Variants in FAAH2 observed in about 807,000 individuals in gnomAD.
FAAH2 encodes the protein fatty acid amide hydrolase 2.
Under a neutral mutation model 36.9 loss-of-function variants are expected in FAAH2, and 60 were observed. That is an observed-to-expected ratio of 1.63 (90% CI 1.32 to 2.02). FAAH2 has a LOEUF of 2.02. Among genes scored for constraint, FAAH2 ranks in the 30% most tolerant of loss-of-function variants. The pLI, the probability that FAAH2 is intolerant of heterozygous loss-of-function variation, is 0.00. For missense variants in FAAH2, 689 were observed against 397.5 expected, an observed-to-expected ratio of 1.73 and a Z score of -6.23; for synonymous variants, 214 against 143.8, an observed-to-expected ratio of 1.49 and a Z score of -3.49.
intron 10 of FAAH2, among the ~76,000 whole-genome samples, chrX:57,478,016 G>A (rs942023618): frequency 6.3e-5 from 7 of 111,917 alleles, no homozygotes; most frequent in African/African-American, 2.3e-4. Flanking sequence ...TAATGGGATG[G>A]CTGAGTCAAA....
the FAAH2 span, among the ~76,000 whole-genome samples, chrX:57,279,370 C>T: frequency 8.9e-6 from 1 of 112,183 alleles, no homozygotes; most frequent in Admixed American, 9.4e-5. Flanking sequence ...CCAAACACTG[C>T]GTGTTCTCAC....
At chrX:57,360,666 T>A (rs949079285) in intron 5 of FAAH2, among the ~76,000 whole-genome samples, 12 of 111,481 alleles carry the variant, frequency 1.1e-4, no homozygotes, top group Non-Finnish European at 2.3e-4. Flanking sequence ...GTTTTTAAAT[T>A]TTCTTAATTT....
intron 3 of FAAH2, among the ~76,000 whole-genome samples, chrX:57,325,073 C>A (rs2053169821): frequency 8.9e-6 from 1 of 111,954 alleles, no homozygotes; most frequent in South Asian, 3.7e-4. Context: ...TGTCAAAGGC[C>A]TTTTCTGCAT....
chrX:57,335,468 G>A (rs762316269), intron 4 of FAAH2, among the ~76,000 whole-genome samples: 2 of 112,735 alleles, frequency 1.8e-5, no homozygotes, highest in Non-Finnish European at 3.8e-5. Flanking sequence ...CTGTGCTTTT[G>A]ATGTGCATAT....
At position 57,486,680 on chromosome X, in the gene FAAH2, G is replaced by C. The variant is rs533048816; in HGVS notation, c.1424-2077G>C. Among the ~76,000 whole-genome samples the C allele has an allele frequency of 3.5e-4, 39 of 111,707 alleles. No individual in the cohort carries two copies. The South Asian group carries it at 7.6e-3, about 22-fold the overall frequency. On this transcript the variant is annotated intron_variant, in intron 10 of 10. Coordinates refer to ENST00000374900, the MANE Select transcript of FAAH2 (RefSeq NM_174912.4). ...AGCTTCCTGTAAAGCACCCCACAAT[G>C]ATGAGGAAGCTGGATATATGTTTAC...
chrX:57,368,227 C>T (rs1027552762), intron 5 of FAAH2, among the ~76,000 whole-genome samples: 6 of 107,544 alleles, frequency 5.6e-5, no homozygotes, highest in African/African-American at 2.0e-4. Flanking sequence ...ACACTGAACC[C>T]ACCCCCACCC....
chrX:57,366,368 G>A (rs2054414759), intron 5 of FAAH2, among the ~76,000 whole-genome samples: 6 of 112,085 alleles, frequency 5.4e-5, no homozygotes, highest in Admixed American at 2.8e-4. Context: ...CTGGGACCTG[G>A]CCCACAGCTT....
At chrX:57,167,454 A>G in the FAAH2 span, among the ~76,000 whole-genome samples, 1 of 112,039 alleles carries the variant, frequency 8.9e-6, no homozygotes, top group Non-Finnish European at 1.9e-5. Context: ...AGCTCTAATG[A>G]TACCTGGCAT....
intron 7 of FAAH2, among the ~76,000 whole-genome samples, chrX:57,406,633 C>T (rs1453236120): frequency 8.9e-6 from 1 of 112,561 alleles, no homozygotes; most frequent in Non-Finnish European, 1.9e-5. Context: ...TATCTCTAGT[C>T]CACAATGTGA....
At chrX:57,344,055 C>CT (rs775563995) in intron 5 of FAAH2, among the ~76,000 whole-genome samples, 2 of 108,958 alleles carry the variant, frequency 1.8e-5, no homozygotes, top group Admixed American at 2.0e-4. Flanking sequence ...ATTTATTTGC[C>CT]TTTTGTTTCC....
At chrX:57,183,348 C>A in the FAAH2 span, among the ~76,000 whole-genome samples, 13 of 104,892 alleles carry the variant, frequency 1.2e-4, no homozygotes, top group South Asian at 4.7e-3. Flanking sequence ...GTAATTAATA[C>A]ATTGAAAATA....
At chrX:57,393,836 T>C in intron 7 of FAAH2, 1 of 880,859 alleles carries the variant, frequency 1.1e-6, no homozygotes, top group Non-Finnish European at 1.7e-6. Flanking sequence ...GAATCTATCA[T>C]TGGTATTCAA....
At chrX:57,358,372 C>A (rs1174583099) in intron 5 of FAAH2, among the ~76,000 whole-genome samples, 1 of 110,603 alleles carries the variant, frequency 9.0e-6, no homozygotes, top group Non-Finnish European at 1.9e-5. Context: ...TTCTCCATCT[C>A]CTGACAATCA....
intron 5 of FAAH2, among the ~76,000 whole-genome samples, chrX:57,361,479 T>C (rs781149466): frequency 9.0e-6 from 1 of 111,429 alleles, no homozygotes; most frequent in East Asian, 2.8e-4. Flanking sequence ...TTTGATATTT[T>C]GTATTTCCAT....
the FAAH2 span, among the ~76,000 whole-genome samples, chrX:57,139,370 G>A: frequency 2.7e-5 from 3 of 112,043 alleles, no homozygotes; most frequent in Non-Finnish European, 3.8e-5. Flanking sequence ...GACTATAAAT[G>A]CATAGATTTA....
chrX:57,379,633 AT>A (rs1319409417), intron 6 of FAAH2, among the ~76,000 whole-genome samples: 9 of 109,338 alleles, frequency 8.2e-5, no homozygotes, highest in African/African-American at 2.3e-4. Flanking sequence ...AAGAGACAAC[AT>A]TTTTTTAGCC....
the FAAH2 span, among the ~76,000 whole-genome samples, chrX:57,241,561 C>T: frequency 1.8e-5 from 2 of 111,438 alleles, no homozygotes; most frequent in South Asian, 3.8e-4. Context: ...TTTTGTATTT[C>T]AATAGTTTTG....
At chrX:57,423,871 A>T (rs1482492871) in intron 7 of FAAH2, among the ~76,000 whole-genome samples, 3 of 111,576 alleles carry the variant, frequency 2.7e-5, no homozygotes, top group Non-Finnish European at 1.9e-5. Context: ...TATCCTGGTA[A>T]ACAAAGCTCA....
At chrX:57,213,097 T>C in the FAAH2 span, among the ~76,000 whole-genome samples, 34 of 111,501 alleles carry the variant, frequency 3.0e-4, no homozygotes, top group Non-Finnish European at 5.6e-4. Context: ...AATTTCTCTA[T>C]GGCTTCTCAT....
Sources: gnomAD v4.1 joint callset for allele counts (sites outside exome capture counted in the v4.1 genomes callset) on GRCh38, gnomAD v4.1.1 for gene constraint, MANE v1.5 for transcripts, NCBI Gene and HGNC (gene_info 2026-07-23, HGNC 2026-07-21) for gene names.